Variants in MYO3B observed in about 807,000 individuals in gnomAD.
The protein encoded by MYO3B is myosin IIIB.
A neutral mutation model predicts 174.6 loss-of-function variants in MYO3B; 156 were observed. The ratio of observed to expected loss-of-function variants is 0.89; its 90% CI spans 0.78 to 1.02. The LOEUF is 1.02. Among genes scored for constraint, MYO3B ranks in the 50% least tolerant of loss-of-function variants. MYO3B has a pLI of 0.00. For synonymous variants in MYO3B, 563 were observed against 569.1 expected (o/e 0.99, Z 0.15); for missense variants, 1,632 against 1,639.4 (o/e 1.00, Z 0.08).
chr2:170,653,524 G>A lies in MYO3B; in HGVS notation c.*403G>A, dbSNP rs978926090. On this transcript the variant is annotated 3_prime_UTR_variant, in exon 35 of 35. Transcript: ENST00000408978. ...TTCAATCCATTCAGAATCTGCCCCA[G>A]TGGAGACCCAGGAGTTCCTTTCCTG... 1 of 167,600 alleles carries A rather than the reference G, an allele frequency of 6.0e-6. No homozygotes were observed. The highest frequency in any genetic ancestry group is 1.6e-4 in the South Asian group (1 of 6,066). 10.4% of individuals were successfully genotyped at this position (167,600 alleles called of 1,614,324 possible). A position where few individuals can be genotyped will look rare whatever the true frequency, so the allele number is the denominator to read the frequency against.
chr2:170,372,145 A>G (rs1376772513), intron 9 of MYO3B, among the ~76,000 whole-genome samples: 1 of 127,184 alleles, frequency 7.9e-6, no homozygotes, highest in African/African-American at 2.7e-5. Flanking sequence ...AAAAAAAAAA[A>G]CAACAACAAC....
At chr2:170,290,834 T>C (rs562502667) in intron 7 of MYO3B, among the ~76,000 whole-genome samples, 8 of 151,836 alleles carry the variant, frequency 5.3e-5, no homozygotes, top group Non-Finnish European at 1.2e-4. Flanking sequence ...TTAGTGAATC[T>C]ATTATAGGCA....
intron 25 of MYO3B, among the ~76,000 whole-genome samples, chr2:170,495,580 T>TAA (rs113951822): frequency 0.28 from 41,296 of 147,274 alleles, 6,932 homozygotes; most frequent in Non-Finnish European, 0.39. Context: ...TAACAGTTGC[T>TAA]AAAAAAAAAA....
chr2:170,215,847 G>A (rs1227258628), intron 5 of MYO3B, among the ~76,000 whole-genome samples: 2 of 152,178 alleles, frequency 1.3e-5, no homozygotes. Context: ...AATATGTTGT[G>A]AGGGGAAACA....
chr2:170,402,926 G>T lies in MYO3B; in HGVS notation c.2208G>T (p.Gln736His). ...FENFQRNSFE[Q>H]LCINIANEQI... ...ATTTTCAGAGAAATTCATTTGAGCA[G>T]CTCTGCATAAACATCGCCAATGAGC... Residue 736 changes from glutamine (Q) to histidine (H), a missense_variant, in exon 19 of 35, where the codon CAG becomes CAT. By Grantham distance (24) the Gln-to-His change is conservative (BLOSUM62 0). Coordinates refer to ENST00000408978, the MANE Select transcript of MYO3B (RefSeq NM_138995.5). 6.2e-7 allele frequency: 1 copy of T among 1,611,492 alleles called. No homozygotes were observed. Among genetic ancestry groups the T allele is most frequent in the East Asian group, 2.2e-5 (1 of 44,866 alleles).
chr2:170,224,104 T>C (rs2092927950), intron 6 of MYO3B, among the ~76,000 whole-genome samples: 1 of 152,172 alleles, frequency 6.6e-6, no homozygotes, highest in South Asian at 2.1e-4. Flanking sequence ...ATTTTGAACA[T>C]TGCACTTGCT....
chr2:170,190,845 C>A (rs536551865), intron 1 of MYO3B, among the ~76,000 whole-genome samples: 3 of 152,210 alleles, frequency 2.0e-5, no homozygotes, highest in African/African-American at 7.2e-5. Context: ...CTCTACCCTA[C>A]TGTGGCTGAG....
intron 32 of MYO3B, among the ~76,000 whole-genome samples, chr2:170,638,551 C>T (rs1245382990): frequency 6.6e-6 from 1 of 152,150 alleles, no homozygotes; most frequent in East Asian, 1.9e-4. Context: ...GGTTAACTGG[C>T]GATTACTCTG....
intron 1 of MYO3B, among the ~76,000 whole-genome samples, chr2:170,181,528 G>T (rs2113651): frequency 0.32 from 48,603 of 151,860 alleles, 8,886 homozygotes; most frequent in East Asian, 0.57. Flanking sequence ...GAAAGCATTC[G>T]GTTTTTCACC....
At chr2:170,278,370 A>G (rs2093478914) in intron 7 of MYO3B, among the ~76,000 whole-genome samples, 1 of 152,202 alleles carries the variant, frequency 6.6e-6, no homozygotes, top group African/African-American at 2.4e-5. Context: ...TTAGAATTCT[A>G]ATAGCACACA....
intron 19 of MYO3B, among the ~76,000 whole-genome samples, chr2:170,403,504 G>A (rs1186598791): frequency 6.6e-6 from 1 of 152,162 alleles, no homozygotes. Flanking sequence ...ATAAGACAGA[G>A]TAAGAAACTA....
intron 6 of MYO3B, among the ~76,000 whole-genome samples, chr2:170,229,822 G>T (rs545586947): frequency 1.3e-5 from 2 of 152,204 alleles, no homozygotes; most frequent in Middle Eastern, 3.4e-3. Flanking sequence ...TGTAAGCTCA[G>T]GTTCTTATAC....
intron 3 of MYO3B, among the ~76,000 whole-genome samples, chr2:170,201,549 G>A (rs751547492): frequency 6.6e-6 from 1 of 152,234 alleles, no homozygotes; most frequent in Non-Finnish European, 1.5e-5. Flanking sequence ...ATTCAAATGG[G>A]ATAATCTGCA....
At chr2:170,579,985 A>T (rs185686150) in intron 32 of MYO3B, among the ~76,000 whole-genome samples, 5 of 152,380 alleles carry the variant, frequency 3.3e-5, no homozygotes, top group African/African-American at 9.6e-5. Context: ...CAGAGTTGTG[A>T]TGCTTAAAGA....
In MYO3B at chr2:170,578,377, T is replaced by C. The variant is rs892791374; in HGVS notation, c.3733+34389T>C. ...ACAATTTAAGGGATGGCCTGGACTTTTAAAACAGAACAGCTGTTTTGCATT... is the reference window on the plus strand; with the variant it reads ...ACAATTTAAGGGATGGCCTGGACTTCTAAAACAGAACAGCTGTTTTGCATT... On this transcript the variant is annotated intron_variant, in intron 32 of 34. Coordinates refer to ENST00000408978, the MANE Select transcript of MYO3B (RefSeq NM_138995.5). Among the ~76,000 whole-genome samples, 41 of 152,374 alleles carry C rather than the reference T, an allele frequency of 2.7e-4. 1 individual carries two copies. The highest frequency in any genetic ancestry group is 9.1e-4 in the African/African-American group (38 of 41,604).
At chr2:170,583,058 C>A (rs972406927) in intron 32 of MYO3B, among the ~76,000 whole-genome samples, 2 of 151,844 alleles carry the variant, frequency 1.3e-5, no homozygotes, top group Non-Finnish European at 1.5e-5. Flanking sequence ...CCCGCCCCAC[C>A]GCCTGACACC....
intron 7 of MYO3B, among the ~76,000 whole-genome samples, chr2:170,301,145 T>A (rs532667276): frequency 6.6e-6 from 1 of 152,354 alleles, no homozygotes; most frequent in East Asian, 1.9e-4. Context: ...ACCATTTACT[T>A]GTCAGTGTGT....
intron 3 of MYO3B, among the ~76,000 whole-genome samples, chr2:170,212,864 A>C (rs1337967721): frequency 6.6e-6 from 1 of 152,234 alleles, no homozygotes; most frequent in Admixed American, 6.5e-5. Flanking sequence ...CCTAATCTGC[A>C]CAAAGCATCT....
intron 7 of MYO3B, among the ~76,000 whole-genome samples, chr2:170,288,895 T>C (rs755966847): frequency 4.3e-4 from 65 of 152,080 alleles, no homozygotes; most frequent in Non-Finnish European, 1.3e-4. Flanking sequence ...TCCATACTCA[T>C]TTTGATGAGG....
Sources: allele counts gnomAD v4.1 joint callset (sites outside exome capture counted in the v4.1 genomes callset), GRCh38; gene constraint gnomAD v4.1.1; transcripts MANE v1.5; gene names NCBI Gene and HGNC (gene_info 2026-07-23, HGNC 2026-07-21).